The following PCDH7 variants were observed in gnomAD, a reference collection of about 807,000 sequenced individuals.
PCDH7 encodes protocadherin 7.
In PCDH7, 17 loss-of-function variants were observed where a neutral mutation model predicts 58.9. That is an observed-to-expected ratio of 0.29 (90% CI 0.20 to 0.43). PCDH7 has a LOEUF of 0.43. Ranked by LOEUF, PCDH7 falls within the 20% of genes least tolerant of loss-of-function variation. The probability of loss-of-function intolerance (pLI) is 1.00; values close to 1 mark genes in which losing one functional copy is unlikely to be tolerated. For missense variants in PCDH7, 1,274 were observed against 1,441.0 expected (o/e 0.88, Z 1.88); for synonymous variants, 664 against 616.4 (o/e 1.08, Z -1.14).
At chr4:31,042,313 T>C (rs922712311) in intron 3 of PCDH7, among the ~76,000 whole-genome samples, 2 of 152,182 alleles carry the variant, frequency 1.3e-5, no homozygotes, top group African/African-American at 4.8e-5. Context: ...GATACTCTTG[T>C]TATAAAGAAC....
intron 1 of PCDH7, among the ~76,000 whole-genome samples, chr4:30,791,480 G>T (rs1384480238): frequency 6.6e-6 from 1 of 152,076 alleles, no homozygotes; most frequent in Non-Finnish European, 1.5e-5. Context: ...TTTTCTTATT[G>T]TTGTTTCTAT....
chr4:30,747,952 T>C (rs149172815), intron 1 of PCDH7, among the ~76,000 whole-genome samples: 2 of 152,226 alleles, frequency 1.3e-5, no homozygotes, highest in African/African-American at 4.8e-5. Context: ...ACTTTATTAT[T>C]ACTTGCACTG....
At chr4:30,741,087 A>G (rs1478639688) in intron 1 of PCDH7, among the ~76,000 whole-genome samples, 1 of 152,152 alleles carries the variant, frequency 6.6e-6, no homozygotes, top group African/African-American at 2.4e-5. Flanking sequence ...TTTGTAATAT[A>G]ACTTTGATAT....
At position 31,031,440 on chromosome 4, in the gene PCDH7, G is replaced by C. The variant is rs56372203; in HGVS notation, c.*7+81225G>C. Among the ~76,000 whole-genome samples, 512 of 152,230 alleles carry C rather than the reference G, an allele frequency of 3.4e-3. 3 individuals are homozygous for C. The highest frequency in any genetic ancestry group is 0.012 in the African/African-American group (496 of 41,530). ...AAGGAAGAATATTCACAAAAGCAAG[G>C]CTTATGTCCTTTGGGAAATTCTGTG... On this transcript the variant is annotated intron_variant, in intron 3 of 3. Coordinates refer to the PCDH7 transcript ENST00000509759.
intron 2 of PCDH7, among the ~76,000 whole-genome samples, chr4:30,940,959 G>A (rs548825358): frequency 1.3e-5 from 2 of 151,940 alleles, no homozygotes; most frequent in East Asian, 3.9e-4. Context: ...TATATGCTTT[G>A]AGGGAATAGC....
At chr4:30,780,623 A>G (rs1013041177) in intron 1 of PCDH7, among the ~76,000 whole-genome samples, 18 of 152,178 alleles carry the variant, frequency 1.2e-4, no homozygotes, top group African/African-American at 3.6e-4. Context: ...GCTCTTCTAG[A>G]GCACCAATCT....
At chr4:31,111,703 A>C (rs191938094) in intron 3 of PCDH7, among the ~76,000 whole-genome samples, 1 of 152,338 alleles carries the variant, frequency 6.6e-6, no homozygotes, top group East Asian at 1.9e-4. Context: ...TAGACACTCT[A>C]AGAACAAGTA....
chr4:30,993,941 C>T (rs924097765), intron 3 of PCDH7, among the ~76,000 whole-genome samples: 3 of 151,362 alleles, frequency 2.0e-5, no homozygotes, highest in Admixed American at 6.6e-5. Context: ...GTCTGGAGAC[C>T]AGAAAGGGAA....
chr4:30,905,224 G>T lies in PCDH7; in HGVS notation c.71-14929G>T, dbSNP rs185592549. On this transcript the variant is annotated intron_variant, in intron 1 of 3. Coordinates refer to the PCDH7 transcript ENST00000509759. ...TTTAGGAGGTAGCTTTTTAAAGTTG[G>T]TTTTTTGTCCTTGTTTATTTGTTCA... 7.2e-5 allele frequency among the ~76,000 whole-genome samples: 11 copies of T among 152,168 alleles called. 1 individual carries two copies. The highest frequency in any genetic ancestry group is 5.2e-4 in the Admixed American group (8 of 15,262).
intron 1 of PCDH7, among the ~76,000 whole-genome samples, chr4:30,894,480 AAAAAAAAAAAATATATAT>A (rs59946579): frequency 4.5e-4 from 25 of 55,248 alleles, no homozygotes; most frequent in African/African-American, 1.7e-3. Context: ...AAAAAAAAAA[AAAAAAAAAAAATATATAT>A]ATATATATAT....
chr4:30,983,097 G>C lies in PCDH7; in HGVS notation c.*7+32882G>C, dbSNP rs558483232. Among the ~76,000 whole-genome samples, 4 of 152,230 alleles carry C rather than the reference G, an allele frequency of 2.6e-5. No homozygotes were observed. The South Asian group carries it at 8.3e-4, about 32-fold the overall frequency. On this transcript the variant is annotated intron_variant, in intron 3 of 3. Transcript: ENST00000509759. The stretch of plus-strand genomic sequence containing the variant: ...TCAAGGGAGTAGGTAGCTGCAGGGG[G>C]CATCTTTCACAGCTTAATTTTGGTC...
intron 3 of PCDH7, among the ~76,000 whole-genome samples, chr4:31,064,215 T>C (rs968143500): frequency 8.6e-5 from 13 of 151,950 alleles, no homozygotes; most frequent in Non-Finnish European, 1.6e-4. Context: ...TATTATTTCA[T>C]TGCAACAGAA....
At chr4:31,139,433 C>G (rs937545891) in intron 3 of PCDH7, among the ~76,000 whole-genome samples, 3 of 152,098 alleles carry the variant, frequency 2.0e-5, no homozygotes, top group Non-Finnish European at 1.5e-5. Context: ...GAAAAGACAT[C>G]CTTCAGTGAA....
intron 2 of PCDH7, among the ~76,000 whole-genome samples, chr4:30,945,843 G>A (rs530225958): frequency 9.7e-4 from 147 of 152,126 alleles, no homozygotes; most frequent in Middle Eastern, 3.4e-3. Context: ...GCCACCCAAG[G>A]CTGATCTTAA....
At chr4:30,969,536 G>A (rs1749364316) in intron 3 of PCDH7, among the ~76,000 whole-genome samples, 1 of 152,090 alleles carries the variant, frequency 6.6e-6, no homozygotes, top group South Asian at 2.1e-4. Flanking sequence ...AATGAAAGAG[G>A]TTGTCCAAAT....
intron 1 of PCDH7, among the ~76,000 whole-genome samples, chr4:30,886,185 A>G (rs1215481803): frequency 6.7e-6 from 1 of 149,894 alleles, no homozygotes; most frequent in African/African-American, 2.5e-5. Flanking sequence ...GTGAACAGGC[A>G]ACCTACAAAA....
intron 1 of PCDH7, among the ~76,000 whole-genome samples, chr4:30,775,888 C>T (rs963637156): frequency 6.6e-6 from 1 of 151,772 alleles, no homozygotes; most frequent in African/African-American, 2.4e-5. Context: ...CAGAGTGAAA[C>T]TCCATTGCAA....
chr4:31,100,192 T>C (rs1028166675), intron 3 of PCDH7, among the ~76,000 whole-genome samples: 1 of 152,098 alleles, frequency 6.6e-6, no homozygotes, highest in African/African-American at 2.4e-5. Context: ...AAAGCTGTAG[T>C]TGAAGGATAA....
intron 1 of PCDH7, among the ~76,000 whole-genome samples, chr4:30,846,533 A>G (rs1383770391): frequency 6.6e-6 from 1 of 151,602 alleles, no homozygotes; most frequent in Admixed American, 6.6e-5. Context: ...ATTATGTTAT[A>G]GTAACACAAA....
Sources: allele counts gnomAD v4.1 joint callset (sites outside exome capture counted in the v4.1 genomes callset), GRCh38; gene constraint gnomAD v4.1.1; transcripts MANE v1.5; gene names NCBI Gene and HGNC (gene_info 2026-07-23, HGNC 2026-07-21).